XG: variants seen among roughly 807,000 people sequenced by gnomAD.
XG encodes Xg glycoprotein (Xg blood group).
A neutral mutation model predicts 25.7 loss-of-function variants in XG; 24 were observed. That is an observed-to-expected ratio of 0.93 (90% CI 0.68 to 1.31). The LOEUF (loss-of-function observed/expected upper bound fraction) is 1.31, where lower values mean the gene tolerates loss of function less well. Among genes scored for constraint, XG ranks in the 40% most tolerant of loss-of-function variants. XG has a pLI of 0.00. For synonymous variants in XG, 77 were observed against 69.2 expected (o/e 1.11, Z -0.56); for missense variants, 181 against 187.6 (o/e 0.96, Z 0.21).
At chrX:2,771,579 G>A (rs2050820668) in intron 2 of XG, among the ~76,000 whole-genome samples, 1 of 152,192 alleles carries the variant, frequency 6.6e-6, no homozygotes, top group Non-Finnish European at 1.5e-5. Context: ...GGGAGAAAGG[G>A]AAAGATTTGG....
intron 3 of XG, among the ~76,000 whole-genome samples, chrX:2,776,968 C>A (rs2051012568): frequency 6.6e-6 from 1 of 152,222 alleles, no homozygotes; most frequent in African/African-American, 2.4e-5. Context: ...TGTTCACTAT[C>A]AAGCAAGAAT....
chrX:2,796,212 CATAA>C (rs71705495), intron 6 of XG, among the ~76,000 whole-genome samples: 9,349 of 105,246 alleles, frequency 0.089, 923 homozygotes, highest in African/African-American at 0.29. Context: ...TAAATATCTT[CATAA>C]ATATATTTAT....
At chrX:2,756,298 A>G (rs1351285357) in intron 1 of XG, among the ~76,000 whole-genome samples, 2 of 152,162 alleles carry the variant, frequency 1.3e-5, no homozygotes, top group Admixed American at 1.3e-4. Context: ...TGGAAACCCC[A>G]AAGGGCAGTG....
Position 2,813,219 on chromosome X carries a change from T to C in XG, c.572-1145T>C, listed in dbSNP as rs1362473142. ...CAGGTATTCCCAAGCACCAAGTTTA[T>C]CTTCCCCTCCCTTAAAGTTCCTGAG... On this transcript the variant is annotated intron_variant, in intron 10 of 10. Coordinates refer to ENST00000644266, the MANE Select transcript of XG (RefSeq NM_001141919.2). Among the ~76,000 whole-genome samples the C allele has an allele frequency of 5.4e-5, 6 of 110,199 alleles. No individual in the cohort carries two copies. The Admixed American group carries it at 5.8e-4, about 11-fold the overall frequency.
chrX:2,773,843 G>A (rs770505081), intron 2 of XG, among the ~76,000 whole-genome samples: 33 of 150,152 alleles, frequency 2.2e-4, no homozygotes, highest in Admixed American at 3.3e-4. Flanking sequence ...AGGAGAGAAG[G>A]AAGGAAGGAA....
At chrX:2,775,669 C>A (rs183544613) in intron 3 of XG, among the ~76,000 whole-genome samples, 144 of 152,066 alleles carry the variant, frequency 9.5e-4, no homozygotes, top group African/African-American at 3.1e-3. Flanking sequence ...AAAAAGGTAA[C>A]CTTTGGCTGG....
intron 2 of XG, among the ~76,000 whole-genome samples, chrX:2,772,326 C>A (rs1437985036): frequency 6.6e-5 from 10 of 152,114 alleles, no homozygotes; most frequent in Non-Finnish European, 1.0e-4. Flanking sequence ...AACTGTCCAT[C>A]AGGGGATGAA....
At chrX:2,757,988 A>AG (rs2050473470) in intron 1 of XG, among the ~76,000 whole-genome samples, 1 of 149,808 alleles carries the variant, frequency 6.7e-6, no homozygotes, top group Non-Finnish European at 1.5e-5. Flanking sequence ...AAAAAAAAAA[A>AG]AAAAAAAAGG....
intron 1 of XG, among the ~76,000 whole-genome samples, chrX:2,758,683 G>C (rs935146962): frequency 2.6e-5 from 4 of 152,240 alleles, no homozygotes; most frequent in Non-Finnish European, 4.4e-5. Flanking sequence ...CAGGGATGCT[G>C]CTGGCATCTA....
intron 1 of XG, among the ~76,000 whole-genome samples, chrX:2,759,697 G>C (rs1164229286): frequency 6.6e-6 from 1 of 152,184 alleles, no homozygotes; most frequent in Non-Finnish European, 1.5e-5. Flanking sequence ...CCCTTTCTTG[G>C]ATAACAACTG....
rs1331459214 is a variant in XG, at chrX:2,815,504, A to G, written c.*1124A>G. ...CCATTATGAATTGGGGTCTTCAAAG[A>G]GAGAAGGTTGAAAGTGGAAAGCACT... On this transcript the variant is annotated 3_prime_UTR_variant, in exon 11 of 11. Transcript: ENST00000644266. 1 of 111,785 alleles carries G rather than the reference A, an allele frequency of 8.9e-6. No individual in the cohort carries two copies. Among genetic ancestry groups the G allele is most frequent in the Non-Finnish European group, 1.9e-5 (1 of 53,191 alleles). 9.2% of individuals were successfully genotyped at this position (111,785 alleles called of 1,213,427 possible).
chrX:2,753,764 G>A (rs1401390710), intron 1 of XG, among the ~76,000 whole-genome samples: 1 of 151,996 alleles, frequency 6.6e-6, no homozygotes, highest in South Asian at 2.1e-4. Flanking sequence ...TCTATTTTTA[G>A]TAGAGACTGG....
intron 1 of XG, among the ~76,000 whole-genome samples, chrX:2,765,070 A>G (rs1194470507): frequency 9.5e-6 from 1 of 105,146 alleles, no homozygotes; most frequent in Non-Finnish European, 1.9e-5. Flanking sequence ...AAAAAAGGCT[A>G]GGCACGGCGG....
rs139699007 is a variant in XG at position 2,762,731 on chromosome X, C to T, written c.62-7819C>T. Among the ~76,000 whole-genome samples the T allele has an allele frequency of 1.2e-3, 184 of 152,300 alleles. 3 individuals carry two copies. In the East Asian group the frequency reaches 0.021, roughly 17 times the overall value. The stretch of plus-strand genomic sequence containing the variant: ...CCTTGTCACTTTCTGTTGCAACCTA[C>T]GGTCCTAACCTAGTCATATGATTTA... On this transcript the variant is annotated intron_variant, in intron 1 of 10. Coordinates refer to ENST00000644266, the MANE Select transcript of XG (RefSeq NM_001141919.2).
At chrX:2,797,610 C>A (rs1232335136) in intron 7 of XG, among the ~76,000 whole-genome samples, 2 of 107,899 alleles carry the variant, frequency 1.9e-5, no homozygotes, top group African/African-American at 3.5e-5. Flanking sequence ...ACACACACAC[C>A]CCTTTAGGTA....
intron 3 of XG, among the ~76,000 whole-genome samples, chrX:2,778,475 G>A (rs1401389838): frequency 6.6e-6 from 1 of 152,120 alleles, no homozygotes; most frequent in Non-Finnish European, 1.5e-5. Context: ...TGCCCAGGCT[G>A]AGGCTGCAGT....
rs189743026 is a variant in XG, at chrX:2,810,023, C to T, written c.455-1313C>T. Among the ~76,000 whole-genome samples, 237 of 112,090 alleles carry T rather than the reference C, an allele frequency of 2.1e-3. 1 individual carries two copies. The highest frequency in any genetic ancestry group is 7.4e-3 in the African/African-American group (228 of 30,878). ...GTGAAATCATACTGTGGAGCGTGTT[C>T]ATGTAGGGAGGGGAAGAATAGAGGG... On this transcript the variant is annotated intron_variant, in intron 9 of 10. Transcript: ENST00000644266.
In XG at chrX:2,810,928, G is replaced by T. The variant is rs5982865; in HGVS notation, c.455-408G>T. Among the ~76,000 whole-genome samples the T allele has an allele frequency of 4.2e-3, 422 of 101,167 alleles. 1 individual carries two copies. The highest frequency in any genetic ancestry group is 0.015 in the African/African-American group (394 of 26,702). 87.9% of individuals were successfully genotyped at this position (101,167 alleles called of 115,157 possible). ...AACATTCCGTCTCAAAAAATAATAAGAAATAAATAAATAAATAAATAAATA... is the reference window on the plus strand; with the variant it reads ...AACATTCCGTCTCAAAAAATAATAATAAATAAATAAATAAATAAATAAATA... On this transcript the variant is annotated intron_variant, in intron 9 of 10. Transcript: ENST00000644266.
chrX:2,765,142 T>G (rs1334880189), intron 1 of XG, among the ~76,000 whole-genome samples: 5 of 150,850 alleles, frequency 3.3e-5, no homozygotes, highest in Non-Finnish European at 7.4e-5. Context: ...GGTCAGGAGT[T>G]TGAGACCAGC....
Sources: allele counts gnomAD v4.1 joint callset (sites outside exome capture counted in the v4.1 genomes callset), GRCh38; gene constraint gnomAD v4.1.1; transcripts MANE v1.5; gene names NCBI Gene and HGNC (gene_info 2026-07-23, HGNC 2026-07-21).